The following RBM17 variants were observed in gnomAD, a reference collection of about 807,000 sequenced individuals.
RBM17 encodes the protein splicing factor 45.
A neutral mutation model predicts 53.2 loss-of-function variants in RBM17; 7 were observed. That is an observed-to-expected ratio of 0.13 (90% confidence interval 0.07 to 0.25). The LOEUF is 0.25. Among genes scored for constraint, RBM17 ranks in the 10% least tolerant of loss-of-function variants. The pLI, the probability that RBM17 is intolerant of heterozygous loss-of-function variation, is 1.00. For missense variants in RBM17, 257 were observed against 496.7 expected, an observed-to-expected ratio of 0.52 and a Z score of 4.59; for synonymous variants, 167 against 178.1, an observed-to-expected ratio of 0.94 and a Z score of 0.50.
At chr10:6,095,593 G>A (rs1036850359) in intron 1 of RBM17, among the ~76,000 whole-genome samples, 4 of 152,134 alleles carry the variant, frequency 2.6e-5, no homozygotes, top group African/African-American at 7.2e-5. Context: ...GCTTCTCTAC[G>A]GCCTTGCGGG....
chr10:6,115,338 A>C (rs1225910478), intron 11 of RBM17, 27 bp downstream of exon 11: 4 of 1,586,406 alleles, frequency 2.5e-6, no homozygotes, highest in African/African-American at 2.7e-5. Flanking sequence ...AATATTAAAG[A>C]ATAAAAAAGT....
At chr10:6,103,145 A>T (rs1039681676) in intron 3 of RBM17, among the ~76,000 whole-genome samples, 3 of 152,108 alleles carry the variant, frequency 2.0e-5, no homozygotes, top group African/African-American at 7.2e-5. Context: ...TTATTTTCTT[A>T]GATTTTCTGA....
Position 6,089,887 on chromosome 10 carries a change from G to A in RBM17, c.-19+694G>A, listed in dbSNP as rs1256476458. ...CTGGGAAAGCAGGCGTGAAAACCCAGGCCCGGGTTGATTTGAGAAACGCAA... is the reference window on the plus strand; with the variant it reads ...CTGGGAAAGCAGGCGTGAAAACCCAAGCCCGGGTTGATTTGAGAAACGCAA... On this transcript the variant is annotated intron_variant, in intron 1 of 11. Coordinates refer to ENST00000379888, the MANE Select transcript of RBM17 (RefSeq NM_032905.5). The surrounding 1 kb of genome is among the most constrained non-coding windows in gnomAD (Gnocchi z 5.6). 6.6e-6 allele frequency: 1 copy of A among 152,382 alleles called. No individual in the cohort carries two copies. Among genetic ancestry groups the A allele is most frequent in the Non-Finnish European group, 1.5e-5 (1 of 68,130 alleles). The allele number at this position is 152,382 out of a possible 1,614,324, so 9.4% of individuals were successfully genotyped here.
At position 6,117,314 on chromosome 10, in the gene RBM17, C is replaced by CT. The variant is rs1242969558; in HGVS notation, c.*1759dup. ...TTAGTGCTTTATTTATAATGAATTTCTGATAGTCGAATAATTTCTAAATCT... is the reference window on the plus strand; with the variant it reads ...TTAGTGCTTTATTTATAATGAATTTCTTGATAGTCGAATAATTTCTAAATCT... On this transcript the variant is annotated 3_prime_UTR_variant, in exon 12 of 12. Coordinates refer to ENST00000379888, the MANE Select transcript of RBM17 (RefSeq NM_032905.5). The CT allele has an allele frequency of 1.3e-5, 2 of 152,062 alleles. No homozygotes were observed. The highest frequency in any genetic ancestry group is 6.6e-5 in the Admixed American group (1 of 15,252). The allele number at this position is 152,062 out of a possible 1,614,324, so 9.4% of individuals were successfully genotyped here.
intron 2 of RBM17, among the ~76,000 whole-genome samples, chr10:6,097,587 C>T (rs1474959258): frequency 6.6e-6 from 1 of 152,186 alleles, no homozygotes; most frequent in South Asian, 2.1e-4. Flanking sequence ...AGGAGAATGG[C>T]GTGAACCCGG....
rs4749964 is a variant in RBM17, at chr10:6,089,664, T to C, written c.-19+471T>C. On this transcript the variant is annotated intron_variant, in intron 1 of 11. Coordinates refer to ENST00000379888, the MANE Select transcript of RBM17 (RefSeq NM_032905.5). This position sits in a 1 kb window ranked among gnomAD's most constrained non-coding sequence, Gnocchi z 5.6. Reference sequence around the variant, plus strand: ...CTGGGAGTGCAGACGTTGGCGTTTCTCAGACTCCGGAGCTGCCCGGGACAG... The same window carrying C: ...CTGGGAGTGCAGACGTTGGCGTTTCCCAGACTCCGGAGCTGCCCGGGACAG... The C allele has an allele frequency of 0.98, 149,658 of 152,450 alleles. 73,517 individuals carry two copies. Among genetic ancestry groups the C allele is most frequent in the Middle Eastern group, 1 (294 of 294 alleles). 9.4% of individuals were successfully genotyped at this position (152,450 alleles called of 1,614,324 possible).
In RBM17 at chr10:6,112,483, G is replaced by A. The variant is rs1280652717; in HGVS notation, c.856+122G>A. 8.3e-7 allele frequency: 1 copy of A among 1,198,880 alleles called. No individual in the cohort carries two copies. Among genetic ancestry groups the A allele is most frequent in the Non-Finnish European group, 1.2e-6 (1 of 826,726 alleles). 74.3% of individuals were successfully genotyped at this position (1,198,880 alleles called of 1,614,324 possible). ...AATGAGGCGTGTGGCCAGAGGGAGA[G>A]GGCTGGCCCTGCCATCACTAGAACA... On this transcript the variant is annotated intron_variant, in intron 8 of 11. Transcript: ENST00000379888. The surrounding 1 kb of genome is among the most constrained non-coding windows in gnomAD (Gnocchi z 4.4).
In RBM17 at chr10:6,112,171, T is replaced by C. The variant is rs1367551654; in HGVS notation, c.705-39T>C. On this transcript the variant is annotated intron_variant, in intron 7 of 11. Transcript: ENST00000379888. This position sits in a 1 kb window ranked among gnomAD's most constrained non-coding sequence, Gnocchi z 4.4. ...AATGCAACCTATCTCCAGTTGACGATGTCAAGGCTAAGAGTCCTTTCCCTT... is the reference window on the plus strand; with the variant it reads ...AATGCAACCTATCTCCAGTTGACGACGTCAAGGCTAAGAGTCCTTTCCCTT... 3 of 1,599,190 alleles carry C rather than the reference T, an allele frequency of 1.9e-6. No homozygotes were observed. The highest frequency in any genetic ancestry group is 1.7e-5 in the Admixed American group (1 of 59,558).
In RBM17 at chr10:6,115,695, G is replaced by A. The variant is rs1840904087; in HGVS notation, c.*139G>A. ...AGGACTTCTAAGATATATGTTGATT[G>A]ATCCCTTTTTTATTTTGTGGTTTTT... On this transcript the variant is annotated 3_prime_UTR_variant, in exon 12 of 12. Coordinates refer to ENST00000379888, the MANE Select transcript of RBM17 (RefSeq NM_032905.5). 1 of 536,190 alleles carries A rather than the reference G, an allele frequency of 1.9e-6. No homozygotes were observed. Among genetic ancestry groups the A allele is most frequent in the East Asian group, 2.9e-5 (1 of 34,978 alleles). 33.2% of individuals were successfully genotyped at this position (536,190 alleles called of 1,614,324 possible).
intron 9 of RBM17, 62 bp from the exon 10 acceptor site, chr10:6,113,987 C>CAT (rs1840876481): frequency 4.9e-5 from 52 of 1,051,710 alleles, no homozygotes; most frequent in Non-Finnish European, 7.6e-5. Context: ...TATTTATATA[C>CAT]CTCTGCTAGG....
intron 1 of RBM17, among the ~76,000 whole-genome samples, chr10:6,090,843 A>T (rs760252656): frequency 6.7e-6 from 1 of 148,948 alleles, no homozygotes; most frequent in African/African-American, 2.5e-5. Context: ...AGGGCGTCAG[A>T]TGGAGGTATG....
At chr10:6,097,760 G>C (rs566361765) in intron 2 of RBM17, among the ~76,000 whole-genome samples, 1 of 152,356 alleles carries the variant, frequency 6.6e-6, no homozygotes, top group South Asian at 2.1e-4. Flanking sequence ...GTCTAAGATT[G>C]AGTGAGAACT....
chr10:6,115,658 A>C lies in RBM17; in HGVS notation c.*102A>C, dbSNP rs772735510. ...ACAGCCTCCATGGCTGTTGCATACCAAGACTCTTGGAAGGACTTCTAAGAT... is the reference window on the plus strand; with the variant it reads ...ACAGCCTCCATGGCTGTTGCATACCCAGACTCTTGGAAGGACTTCTAAGAT... On this transcript the variant is annotated 3_prime_UTR_variant, in exon 12 of 12. Transcript: ENST00000379888. 3.0e-5 allele frequency: 22 copies of C among 728,286 alleles called. No homozygotes were observed. The highest frequency in any genetic ancestry group is 5.3e-5 in the Non-Finnish European group (22 of 414,118). 45.1% of individuals were successfully genotyped at this position (728,286 alleles called of 1,614,324 possible).
chr10:6,103,085 C>G (rs910562367), intron 3 of RBM17, among the ~76,000 whole-genome samples: 1 of 152,166 alleles, frequency 6.6e-6, no homozygotes, highest in African/African-American at 2.4e-5. Context: ...AGCCACTGCA[C>G]CCGGCCCTCT....
At chr10:6,101,455 G>A in intron 3 of RBM17, 68 bp downstream of exon 3, 1 of 958,646 alleles carries the variant, frequency 1.0e-6, no homozygotes, top group East Asian at 2.6e-5. Flanking sequence ...TTGCATATGA[G>A]TTACTCTTAA....
intron 3 of RBM17, 40 bp from the exon 4 acceptor site, chr10:6,104,891 A>C (rs772373472): frequency 6.3e-7 from 1 of 1,579,248 alleles, no homozygotes; most frequent in South Asian, 1.1e-5. Context: ...AACTGGTAAG[A>C]TATAAAGAGG....
In RBM17 at chr10:6,116,419, TC is replaced by T. The variant is rs1840917950; in HGVS notation, c.*865del. ...TGTAATTTTAAAATTTATAAGATTA[TC>T]CACGTTGGCCAAGTAAACTGTACTG... is the stretch of plus-strand genomic sequence containing the variant. On this transcript the variant is annotated 3_prime_UTR_variant, in exon 12 of 12. Coordinates refer to ENST00000379888, the MANE Select transcript of RBM17 (RefSeq NM_032905.5). 6.6e-6 allele frequency: 1 copy of T among 152,350 alleles called. No homozygotes were observed. Among genetic ancestry groups the T allele is most frequent in the South Asian group, 2.1e-4 (1 of 4,824 alleles). 9.4% of individuals were successfully genotyped at this position (152,350 alleles called of 1,614,324 possible). A position where few individuals can be genotyped will look rare whatever the true frequency, so the allele number is the denominator to read the frequency against.
At chr10:6,105,166 G>A (rs1351794294) in intron 4 of RBM17, 69 bp downstream of exon 4, 12 of 1,410,316 alleles carry the variant, frequency 8.5e-6, no homozygotes, top group African/African-American at 4.3e-5. Flanking sequence ...ACGAATGAGC[G>A]TCGCTGCTGT....
chr10:6,097,531 C>T (rs1233235822), intron 2 of RBM17, among the ~76,000 whole-genome samples: 1 of 152,166 alleles, frequency 6.6e-6, no homozygotes, highest in African/African-American at 2.4e-5. Flanking sequence ...ACACCGCGGG[C>T]GCAGTGGTGG....
Sources: allele counts gnomAD v4.1 joint callset (sites outside exome capture counted in the v4.1 genomes callset), GRCh38; gene constraint gnomAD v4.1.1; non-coding constraint Gnocchi (gnomAD v3.1); transcripts MANE v1.5; gene names NCBI Gene and HGNC (gene_info 2026-07-23, HGNC 2026-07-21).